LAMB3: variants seen among roughly 807,000 people sequenced by gnomAD.
The protein encoded by LAMB3 is laminin subunit beta-3.
LAMB3 carries 104 observed loss-of-function variants against 140.3 expected under a neutral mutation model. The observed-to-expected ratio is 0.74, with a 90% CI of 0.63 to 0.87. The LOEUF is 0.87. Ranked by LOEUF, LAMB3 falls within the 40% of genes least tolerant of loss-of-function variation. The pLI, the probability that LAMB3 is intolerant of heterozygous loss-of-function variation, is 0.00. For synonymous variants in LAMB3, 592 were observed against 602.9 expected (o/e 0.98, Z 0.26); for missense variants, 1,531 against 1,575.2 (o/e 0.97, Z 0.47).
At chr1:209,618,404 C>G (rs765767502) in intron 19 of LAMB3, 48 bp downstream of exon 19, 1 of 1,589,302 alleles carries the variant, frequency 6.3e-7, no homozygotes, top group South Asian at 1.1e-5. Flanking sequence ...AGGAGCAAAA[C>G]GCCAGCTTAA....
chr1:209,624,948 G>A (rs1013059419), intron 14 of LAMB3, among the ~76,000 whole-genome samples: 6 of 145,778 alleles, frequency 4.1e-5, no homozygotes, highest in South Asian at 2.2e-4. Flanking sequence ...AAAAAGGGAA[G>A]GAAGGAAGGA....
chr1:209,623,600 G>T lies in LAMB3; in HGVS notation c.2263C>A (p.Gln755Lys), dbSNP rs747358627. 1.2e-6 allele frequency: 2 copies of T among 1,613,720 alleles called. No individual in the cohort carries two copies. Among genetic ancestry groups the T allele is most frequent in the Non-Finnish European group, 1.7e-6 (2 of 1,179,962 alleles). ...CCGGTGCCTCCTCCTCCTCCCGCCT[G>T]CCGCACCAGCCTCTCTGCCTCTCTC... is the stretch of plus-strand genomic sequence containing the variant. ...SRREAERLVR[Q>K]AGGGGGTGSP... Residue 755 changes from glutamine to lysine, a missense_variant, in exon 16 of 23, where the codon CAG becomes AAG. By Grantham distance (53) the Gln-to-Lys change is moderately conservative. Coordinates refer to ENST00000356082, the MANE Select transcript of LAMB3 (RefSeq NM_000228.3). This position sits in a 1 kb window ranked among gnomAD's most constrained non-coding sequence, Gnocchi z 4.2.
At chr1:209,633,468 A>G (rs1346050382) in intron 6 of LAMB3, among the ~76,000 whole-genome samples, 1 of 152,224 alleles carries the variant, frequency 6.6e-6, no homozygotes, top group Non-Finnish European at 1.5e-5. Flanking sequence ...CTGATGACTC[A>G]GGATGAGTGA....
At chr1:209,627,704 C>T in intron 11 of LAMB3, 125 bp from the exon 12 acceptor site, 1 of 918,822 alleles carries the variant, frequency 1.1e-6, no homozygotes, top group Non-Finnish European at 1.7e-6. Flanking sequence ...CTGCAGATGA[C>T]ATGGCTGACT....
At chr1:209,649,575 A>T (rs2076546737) in intron 3 of LAMB3, among the ~76,000 whole-genome samples, 2 of 152,170 alleles carry the variant, frequency 1.3e-5, no homozygotes, top group African/African-American at 4.8e-5. Flanking sequence ...CATGGCAAGA[A>T]CACAGTTCGG....
Position 209,637,860 on chromosome 1 carries a change from T to C in LAMB3, c.372+48A>G, listed in dbSNP as rs1315612627. On this transcript the variant is annotated intron_variant, in intron 5 of 22. Coordinates refer to ENST00000356082, the MANE Select transcript of LAMB3 (RefSeq NM_000228.3). ...GCTCCTCCATGGCTCCACGCCCACA[T>C]GGCCCAGGAGCCCCTCTCCTATCCA... The C allele has an allele frequency of 2.0e-6, 3 of 1,484,856 alleles. No homozygotes were observed. The African/African-American group carries it at 4.2e-5, about 21-fold the overall frequency. 92.0% of individuals were successfully genotyped at this position (1,484,856 alleles called of 1,614,324 possible).
chr1:209,651,298 G>C, intron 1 of LAMB3: 1 of 349,240 alleles, frequency 2.9e-6, no homozygotes, highest in Non-Finnish European at 5.5e-6. Context: ...GACAACGTGG[G>C]GAGCAGGAAA....
chr1:209,628,681 A>ATGGGAGAT (rs373373442), intron 10 of LAMB3, among the ~76,000 whole-genome samples: 2,631 of 148,046 alleles, frequency 0.018, 67 homozygotes, highest in African/African-American at 0.064. Flanking sequence ...GGGCAACAAG[A>ATGGGAGAT]GCGAAACCAT....
chr1:209,622,863 T>A, intron 17 of LAMB3, 119 bp downstream of exon 17: 1 of 1,373,122 alleles, frequency 7.3e-7, no homozygotes, highest in Non-Finnish European at 1.0e-6. Context: ...CTGTGGCACC[T>A]TAAGCAGGTC....
intron 13 of LAMB3, among the ~76,000 whole-genome samples, chr1:209,626,351 C>A (rs1304694490): frequency 2.0e-5 from 3 of 151,522 alleles, no homozygotes; most frequent in Non-Finnish European, 4.4e-5. Context: ...GTACAGCATG[C>A]CTCTTCCTCT....
rs139404117 is a variant in LAMB3 at position 209,628,056 on chromosome 1, C to T, written c.1267G>A (p.Ala423Thr). ...TCACGGTGGCAGCCCTGCGGGTTGG[C>T]GTAGGTGAGTCCAGTGAAGCCCGGC... The part of the protein sequence containing the change: ...CKPGFTGLTY[A>T]NPQGCHRCDC... Residue 423 changes from alanine to threonine, a missense_variant, in exon 11 of 23, where the codon GCC (alanine) becomes ACC (threonine). Coordinates refer to ENST00000356082, the MANE Select transcript of LAMB3 (RefSeq NM_000228.3). The T allele has an allele frequency of 5.6e-5, 90 of 1,606,402 alleles. No homozygotes were observed. Among genetic ancestry groups the T allele is most frequent in the African/African-American group, 2.0e-4 (15 of 74,748 alleles).
At chr1:209,649,912 T>C in intron 3 of LAMB3, 52 bp downstream of exon 3, 1 of 1,600,670 alleles carries the variant, frequency 6.2e-7, no homozygotes, top group Admixed American at 1.7e-5. Flanking sequence ...AAATGGCAGC[T>C]CACACACCCC....
At chr1:209,621,201 G>A (rs901044358) in intron 18 of LAMB3, among the ~76,000 whole-genome samples, 8 of 152,212 alleles carry the variant, frequency 5.3e-5, no homozygotes, top group African/African-American at 1.7e-4. Context: ...ATTAATGCAG[G>A]ATGAGTGGCC....
In LAMB3 at chr1:209,623,444, G is replaced by A. The variant is rs1025517789; in HGVS notation, c.2358+61C>T. The A allele has an allele frequency of 2.0e-6, 3 of 1,508,514 alleles. No homozygotes were observed. Among genetic ancestry groups the A allele is most frequent in the African/African-American group, 2.7e-5 (2 of 72,786 alleles). 93.4% of individuals were successfully genotyped at this position (1,508,514 alleles called of 1,614,324 possible). A position where few individuals can be genotyped will look rare whatever the true frequency, so the allele number is the denominator to read the frequency against. ...CCCTAATAGGAAGCAGGTGGCAGCAGTTGGTGTGTGACAAGCTGGGGTGTG... is the reference window on the plus strand; with the variant it reads ...CCCTAATAGGAAGCAGGTGGCAGCAATTGGTGTGTGACAAGCTGGGGTGTG... On this transcript the variant is annotated intron_variant, in intron 16 of 22. Coordinates refer to ENST00000356082, the MANE Select transcript of LAMB3 (RefSeq NM_000228.3). The surrounding 1 kb of genome is among the most constrained non-coding windows in gnomAD (Gnocchi z 4.2).
rs1263721729 is a variant in LAMB3, at chr1:209,623,362, G to T, written c.2358+143C>A. The T allele has an allele frequency of 4.9e-6, 5 of 1,018,966 alleles. No homozygotes were observed. In the African/African-American group the frequency reaches 6.3e-5, roughly 13 times the overall value. The allele number at this position is 1,018,966 out of a possible 1,614,324, so 63.1% of individuals were successfully genotyped here. A position where few individuals can be genotyped will look rare whatever the true frequency, so the allele number is the denominator to read the frequency against. Reference sequence around the variant, plus strand: ...CCTTGGCAACCACTGAGCTCACAGTGAGCAGTACAAGGGTCGGGATGGCTG... The same window carrying T: ...CCTTGGCAACCACTGAGCTCACAGTTAGCAGTACAAGGGTCGGGATGGCTG... On this transcript the variant is annotated intron_variant, in intron 16 of 22. Transcript: ENST00000356082. This position sits in a 1 kb window ranked among gnomAD's most constrained non-coding sequence, Gnocchi z 4.2.
At chr1:209,651,278 C>T in intron 1 of LAMB3, 1 of 401,980 alleles carries the variant, frequency 2.5e-6, no homozygotes, top group Non-Finnish European at 4.7e-6. Flanking sequence ...CTACCCCACA[C>T]AGCCGTAAGG....
intron 13 of LAMB3, 137 bp downstream of exon 13, chr1:209,626,730 C>T: frequency 1.4e-6 from 1 of 721,952 alleles, no homozygotes. Context: ...TGTGCACTCA[C>T]AGGGCTGCCC....
At position 209,638,399 on chromosome 1, in the gene LAMB3, T is replaced by G; in HGVS notation, c.298+135A>C. The G allele has an allele frequency of 4.2e-6, 3 of 712,010 alleles. No individual in the cohort carries two copies. The Admixed American group carries it at 6.0e-5, about 14-fold the overall frequency. The allele number at this position is 712,010 out of a possible 1,614,324, so 44.1% of individuals were successfully genotyped here. On this transcript the variant is annotated intron_variant, in intron 4 of 22. Coordinates refer to ENST00000356082, the MANE Select transcript of LAMB3 (RefSeq NM_000228.3). Reference sequence around the variant, plus strand: ...AGACCCCAAATATGAGGCAGAAAGATTCTTCTTATCAATCACCCATGTCAC... The same window carrying G: ...AGACCCCAAATATGAGGCAGAAAGAGTCTTCTTATCAATCACCCATGTCAC...
intron 3 of LAMB3, among the ~76,000 whole-genome samples, chr1:209,639,824 T>C (rs1280340661): frequency 6.6e-6 from 1 of 152,128 alleles, no homozygotes; most frequent in Non-Finnish European, 1.5e-5. Flanking sequence ...TAGATGCAAG[T>C]CTTGGACAAG....
Sources: allele counts gnomAD v4.1 joint callset (sites outside exome capture counted in the v4.1 genomes callset), GRCh38; gene constraint gnomAD v4.1.1; non-coding constraint Gnocchi (gnomAD v3.1); transcripts MANE v1.5; gene names NCBI Gene and HGNC (gene_info 2026-07-23, HGNC 2026-07-21).